Variants in SHC3 observed in about 807,000 individuals in gnomAD.
The protein encoded by SHC3 is SHC adaptor protein 3.
Under a neutral mutation model 60.4 loss-of-function variants are expected in SHC3, and 15 were observed. The observed-to-expected ratio is 0.25, with a 90% CI of 0.17 to 0.38. SHC3 has a LOEUF of 0.38. Ranked by LOEUF, SHC3 falls within the 10% of genes least tolerant of loss-of-function variation. The pLI is 1.00. For synonymous variants in SHC3, 294 were observed against 325.9 expected (o/e 0.90, Z 1.05); for missense variants, 677 against 786.1 (o/e 0.86, Z 1.66).
chr9:89,081,854 G>C (rs1011358203), intron 2 of SHC3, among the ~76,000 whole-genome samples: 48 of 152,030 alleles, frequency 3.2e-4, no homozygotes, highest in African/African-American at 1.1e-3. Flanking sequence ...GAACCTCCAG[G>C]TGGCCACGGA....
chr9:89,008,729 C>T lies in SHC3; in HGVS notation c.*4718G>A, dbSNP rs951698487. 9 of 152,062 alleles carry T rather than the reference C, an allele frequency of 5.9e-5. No individual in the cohort carries two copies. The highest frequency in any genetic ancestry group is 3.9e-4 in the Admixed American group (6 of 15,268). 9.4% of individuals were successfully genotyped at this position (152,062 alleles called of 1,614,324 possible). On this transcript the variant is annotated 3_prime_UTR_variant, in exon 12 of 12. Transcript: ENST00000375835. ...AGTGATAGACTTGGTGAATAAATAC[C>T]CCAGCTGTCTCCCCGCCTTGCTGGG...
At chr9:89,177,716 G>A (rs1826962202) in intron 1 of SHC3, among the ~76,000 whole-genome samples, 1 of 152,226 alleles carries the variant, frequency 6.6e-6, no homozygotes, top group South Asian at 2.1e-4. Context: ...AGGTGGCAAA[G>A]GCGTGCCAAA....
intron 3 of SHC3, among the ~76,000 whole-genome samples, chr9:89,076,262 G>A (rs1825357253): frequency 6.6e-6 from 1 of 152,152 alleles, no homozygotes; most frequent in African/African-American, 2.4e-5. Flanking sequence ...CAGAACATGG[G>A]CTGGCACATC....
chr9:89,116,061 T>C (rs1228804811), intron 1 of SHC3, among the ~76,000 whole-genome samples: 1 of 152,130 alleles, frequency 6.6e-6, no homozygotes, highest in Non-Finnish European at 1.5e-5. Flanking sequence ...CACAGTTATG[T>C]GTGTACCACC....
chr9:89,076,326 A>C (rs546003487), intron 3 of SHC3, among the ~76,000 whole-genome samples: 1 of 152,312 alleles, frequency 6.6e-6, no homozygotes, highest in South Asian at 2.1e-4. Flanking sequence ...TGGGTGCGTG[A>C]AAGTCCCCAA....
chr9:89,039,251 T>C (rs1045460526), intron 10 of SHC3, among the ~76,000 whole-genome samples: 7 of 152,226 alleles, frequency 4.6e-5, no homozygotes, highest in African/African-American at 1.7e-4. Context: ...GCATTGCTCC[T>C]AGCACACAGT....
intron 2 of SHC3, among the ~76,000 whole-genome samples, chr9:89,107,711 T>A (rs1449518137): frequency 6.6e-6 from 1 of 151,432 alleles, no homozygotes; most frequent in Non-Finnish European, 1.5e-5. Context: ...ACCACCCAAA[T>A]GCACAGGGAT....
intron 5 of SHC3, 25 bp from the exon 6 acceptor site, chr9:89,065,605 A>G (rs1452027300): frequency 5.6e-6 from 9 of 1,612,500 alleles, no homozygotes; most frequent in Non-Finnish European, 7.6e-6. Context: ...AGAGATGTCT[A>G]TGTCACTAAT....
rs1240588266 is a variant in SHC3 at position 89,178,035 on chromosome 9, C to T, written c.426G>A (p.Pro142=). 2 of 1,230,336 alleles carry T rather than the reference C, an allele frequency of 1.6e-6. No individual in the cohort carries two copies. Among genetic ancestry groups the T allele is most frequent in the Non-Finnish European group, 2.0e-6 (2 of 986,950 alleles). The allele number at this position is 1,230,336 out of a possible 1,614,324, so 76.2% of individuals were successfully genotyped here. A position where few individuals can be genotyped will look rare whatever the true frequency, so the allele number is the denominator to read the frequency against. Residue 142 remains proline (P), a synonymous_variant, in exon 1 of 12, where the codon CCG becomes CCA. Coordinates refer to ENST00000375835, the MANE Select transcript of SHC3 (RefSeq NM_016848.6). The surrounding 1 kb of genome is among the most constrained non-coding windows in gnomAD (Gnocchi z 6.9). ...GCCCCAGCACCTGGTCGCTGGCGTG[C>T]GGCGCCCCCCGAGGGGGCCTGGGCA... ...EPLPRPPRGA[P]HASDQVLGPG...
chr9:89,088,691 C>G (rs1825570660), intron 2 of SHC3: 1 of 152,318 alleles, frequency 6.6e-6, no homozygotes, highest in Admixed American at 6.5e-5. Context: ...GAAGGAGGAA[C>G]AACGAGCTGT....
At chr9:89,110,444 G>A (rs986410869) in intron 2 of SHC3, 3 of 984,942 alleles carry the variant, frequency 3.0e-6, no homozygotes, top group African/African-American at 1.7e-5. Context: ...AGTAAACCAT[G>A]GCAGTGGAGT....
At chr9:89,112,437 T>C (rs1587734031) in intron 2 of SHC3, 119 bp downstream of exon 2, 13 of 1,024,824 alleles carry the variant, frequency 1.3e-5, no homozygotes, top group South Asian at 2.8e-5. Flanking sequence ...TGACTCACTG[T>C]CACCAGCCAC....
intron 1 of SHC3, among the ~76,000 whole-genome samples, chr9:89,133,996 T>C (rs1826286215): frequency 6.6e-6 from 1 of 152,170 alleles, no homozygotes; most frequent in Non-Finnish European, 1.5e-5. Context: ...CCCTTAGCCA[T>C]GCTGGAAAGA....
At chr9:89,160,127 C>T (rs1256386388) in intron 1 of SHC3, among the ~76,000 whole-genome samples, 1 of 152,192 alleles carries the variant, frequency 6.6e-6, no homozygotes, top group African/African-American at 2.4e-5. Context: ...GGGCTACAGC[C>T]CATGTTACAG....
intron 2 of SHC3, among the ~76,000 whole-genome samples, chr9:89,103,084 G>A (rs1825806379): frequency 6.6e-6 from 1 of 152,200 alleles, no homozygotes; most frequent in Non-Finnish European, 1.5e-5. Context: ...AAGGTGTGCT[G>A]CAGCCAGGCA....
At position 89,028,177 on chromosome 9, in the gene SHC3, C is replaced by A. The variant is rs562116174; in HGVS notation, c.1656+9816G>T. ...CAAAACCACGCCCACACATGTCATT[C>A]CCTCTATCCTCTGCCCACATCACCT... is the stretch of plus-strand genomic sequence containing the variant. On this transcript the variant is annotated intron_variant, in intron 11 of 11. Coordinates refer to ENST00000375835, the MANE Select transcript of SHC3 (RefSeq NM_016848.6). Among the ~76,000 whole-genome samples the A allele has an allele frequency of 9.8e-5, 15 of 152,304 alleles. No individual in the cohort carries two copies. The South Asian group carries it at 1.7e-3, about 17-fold the overall frequency.
intron 11 of SHC3, among the ~76,000 whole-genome samples, chr9:89,026,496 C>T (rs567620462): frequency 7.9e-5 from 12 of 152,232 alleles, no homozygotes; most frequent in East Asian, 3.9e-4. Context: ...CACATTGTCC[C>T]GCCTTTCTAG....
At chr9:89,016,845 C>T (rs991764050) in intron 11 of SHC3, among the ~76,000 whole-genome samples, 15 of 152,208 alleles carry the variant, frequency 9.9e-5, no homozygotes, top group Middle Eastern at 6.8e-3. Context: ...TTCAGGTATG[C>T]GAAGTTGGTC....
chr9:89,038,358 A>AAG, intron 10 of SHC3, 70 bp from the exon 11 acceptor site: 1 of 1,437,658 alleles, frequency 7.0e-7, no homozygotes, highest in Non-Finnish European at 9.3e-7. Context: ...AAAAAAAAAA[A>AAG]AAATACAGTG....
Sources: allele counts gnomAD v4.1 joint callset (sites outside exome capture counted in the v4.1 genomes callset), GRCh38; gene constraint gnomAD v4.1.1; non-coding constraint Gnocchi (gnomAD v3.1); transcripts MANE v1.5; gene names NCBI Gene and HGNC (gene_info 2026-07-23, HGNC 2026-07-21).